The following PNOC variants were observed in gnomAD, a reference collection of about 807,000 sequenced individuals.
PNOC encodes nociceptin.
PNOC carries 10 observed loss-of-function variants against 15.6 expected under a neutral mutation model. The observed-to-expected ratio is 0.64, with a 90% CI of 0.40 to 1.09. The LOEUF is 1.09. PNOC is among the 50% of genes least tolerant of loss of function. The probability of loss-of-function intolerance (pLI) is 0.01; values close to 1 mark genes in which losing one functional copy is unlikely to be tolerated. For synonymous variants in PNOC, 98 were observed against 88.5 expected (o/e 1.11, Z -0.60); for missense variants, 220 against 223.9 (o/e 0.98, Z 0.11).
rs547116748 is a variant in PNOC, at chr8:28,319,625, C to T, written c.-24+2309C>T. 3.3e-5 allele frequency among the ~76,000 whole-genome samples: 5 copies of T among 152,324 alleles called. No homozygotes were observed. In the East Asian group the frequency reaches 9.6e-4, roughly 29 times the overall value. On this transcript the variant is annotated intron_variant, in intron 1 of 3. Coordinates refer to ENST00000301908, the MANE Select transcript of PNOC (RefSeq NM_006228.5). ...GCTAATACACACATGCACATATGCA[C>T]ACTGGTAGGAATGGGAAGTTTCAGG...
Position 28,339,465 on chromosome 8 carries a change from A to G in PNOC, c.*21A>G. 6 of 1,515,110 alleles carry G rather than the reference A, an allele frequency of 4.0e-6. No individual in the cohort carries two copies. The highest frequency in any genetic ancestry group is 5.3e-6 in the Non-Finnish European group (6 of 1,131,502). 93.9% of individuals were successfully genotyped at this position (1,515,110 alleles called of 1,614,324 possible). On this transcript the variant is annotated 3_prime_UTR_variant, in exon 3 of 4. Coordinates refer to ENST00000301908, the MANE Select transcript of PNOC (RefSeq NM_006228.5). ...TGTAGCCGGAAGGGGCGCTCCTCCC[A>G]GCTGTACCGGCCACTGCAACCCATG...
chr8:28,340,605 T>G (rs1168332719), intron 3 of PNOC, among the ~76,000 whole-genome samples: 1 of 152,266 alleles, frequency 6.6e-6, no homozygotes, highest in Non-Finnish European at 1.5e-5. Flanking sequence ...TCATCCATTT[T>G]GCATTGCTAC....
At chr8:28,320,686 T>G (rs549415793) in intron 1 of PNOC, among the ~76,000 whole-genome samples, 1 of 151,634 alleles carries the variant, frequency 6.6e-6, no homozygotes, top group Non-Finnish European at 1.5e-5. Flanking sequence ...CCGTCTCTAC[T>G]AAAAATACAA....
chr8:28,320,865 A>AAG (rs1163331343), intron 1 of PNOC, among the ~76,000 whole-genome samples: 1 of 152,000 alleles, frequency 6.6e-6, no homozygotes, highest in Non-Finnish European at 1.5e-5. Context: ...AAAAAAAAAA[A>AAG]AAAGAAGAAG....
chr8:28,329,281 G>C lies in PNOC; in HGVS notation c.124G>C (p.Glu42Gln), dbSNP rs557567617. 1 of 1,613,194 alleles carries C rather than the reference G, an allele frequency of 6.2e-7. No homozygotes were observed. The highest frequency in any genetic ancestry group is 1.1e-5 in the South Asian group (1 of 91,086). ...LHPALDSFDL[E>Q]VCILECEEKV... is the part of the protein sequence containing the mutation. Reference sequence around the variant, plus strand: ...CCCAGCCCTGGACAGCTTCGACCTGGAGGTAGGTCTCCAAGGCAAGGCAGA... The same window carrying C: ...CCCAGCCCTGGACAGCTTCGACCTGCAGGTAGGTCTCCAAGGCAAGGCAGA... Residue 42 changes from glutamate to glutamine, a missense_variant and splice_region_variant, in exon 2 of 4, where the codon GAG becomes CAG. By Grantham distance (29) the Glu-to-Gln change is conservative. Transcript: ENST00000301908.
chr8:28,323,795 G>A (rs1433128528), intron 1 of PNOC, among the ~76,000 whole-genome samples: 3 of 152,238 alleles, frequency 2.0e-5, no homozygotes, highest in African/African-American at 7.2e-5. Flanking sequence ...GAACACAGTT[G>A]TAGTAGGTGT....
chr8:28,325,680 A>G (rs1801214368), intron 1 of PNOC, among the ~76,000 whole-genome samples: 1 of 137,584 alleles, frequency 7.3e-6, no homozygotes, highest in African/African-American at 2.5e-5. Flanking sequence ...AAGAAAAAAA[A>G]AAAAAAGAAA....
chr8:28,338,970 TCTC>T lies in PNOC; in HGVS notation c.127-65_127-63del, dbSNP rs1459929688. The T allele has an allele frequency of 4.8e-5, 66 of 1,374,512 alleles. No individual in the cohort carries two copies. The Admixed American group carries it at 1.1e-3, about 22-fold the overall frequency. The allele number at this position is 1,374,512 out of a possible 1,614,324, so 85.1% of individuals were successfully genotyped here. A position where few individuals can be genotyped will look rare whatever the true frequency, so the allele number is the denominator to read the frequency against. On this transcript the variant is annotated intron_variant, in intron 2 of 3. Transcript: ENST00000301908. ...ACTTGCACTGGTGCAGTGGGCCAGA[TCTC>T]CTCCCTCGCCCTGGATTAACAGAGG...
At chr8:28,336,368 G>A (rs374505191) in intron 2 of PNOC, among the ~76,000 whole-genome samples, 1 of 152,238 alleles carries the variant, frequency 6.6e-6, no homozygotes, top group South Asian at 2.1e-4. Flanking sequence ...AGGCAGGAGA[G>A]AGTGATTCTT....
chr8:28,317,532 C>T (rs994861127), intron 1 of PNOC, among the ~76,000 whole-genome samples: 5 of 152,136 alleles, frequency 3.3e-5, no homozygotes, highest in African/African-American at 1.2e-4. Context: ...CTTTTTTAAC[C>T]TCAGACAGAC....
rs1801463589 is a variant in PNOC, at chr8:28,339,074, C to G, written c.161C>G (p.Pro54Arg). ...CTCGAGTGTGAAGAGAAGGTCTTCCCCAGCCCCCTCTGGACTCCATGCACC... is the reference window on the plus strand; with the variant it reads ...CTCGAGTGTGAAGAGAAGGTCTTCCGCAGCCCCCTCTGGACTCCATGCACC... Reference protein sequence around the residue: ...CILECEEKVFPSPLWTPCTKV... With the variant: ...CILECEEKVFRSPLWTPCTKV... The change falls in exon 3 of 4, where the codon CCC becomes CGC. Residue 54 changes from proline (P) to arginine (R), a missense_variant. Physicochemically the swap from Pro to Arg is moderately radical, Grantham distance 103 (BLOSUM62 -2). Transcript: ENST00000301908. 6.3e-7 allele frequency: 1 copy of G among 1,593,310 alleles called. No individual in the cohort carries two copies. The highest frequency in any genetic ancestry group is 8.6e-7 in the Non-Finnish European group (1 of 1,162,722).
chr8:28,338,764 A>G, intron 2 of PNOC: 8 of 1,161,934 alleles, frequency 6.9e-6, no homozygotes, highest in Non-Finnish European at 8.5e-6. Flanking sequence ...TTAACTTCCT[A>G]TGTTAACGTG....
intron 2 of PNOC, among the ~76,000 whole-genome samples, chr8:28,330,037 C>T (rs949670182): frequency 3.9e-5 from 6 of 152,090 alleles, no homozygotes; most frequent in Admixed American, 1.3e-4. Context: ...ACATCCACCT[C>T]GCAGGTTCAA....
intron 1 of PNOC, among the ~76,000 whole-genome samples, chr8:28,322,179 A>AG (rs1377715857): frequency 2.0e-5 from 3 of 152,142 alleles, no homozygotes; most frequent in Non-Finnish European, 4.4e-5. Context: ...ATTCGAGGTC[A>AG]GGAGTTTGAG....
intron 1 of PNOC, among the ~76,000 whole-genome samples, chr8:28,322,673 A>T (rs1278909824): frequency 1.3e-5 from 2 of 152,212 alleles, no homozygotes; most frequent in African/African-American, 4.8e-5. Context: ...TAGCAATATG[A>T]TTGCTATGAA....
intron 1 of PNOC, among the ~76,000 whole-genome samples, chr8:28,321,165 A>C (rs1801145849): frequency 6.6e-6 from 1 of 151,420 alleles, no homozygotes; most frequent in South Asian, 2.1e-4. Flanking sequence ...CAACCTTCTG[A>C]ATAGCTAAGA....
intron 2 of PNOC, 131 bp from the exon 3 acceptor site, chr8:28,338,909 C>T (rs1027288077): frequency 2.4e-5 from 25 of 1,061,964 alleles, no homozygotes; most frequent in Non-Finnish European, 3.2e-5. Flanking sequence ...TGTAAAACTG[C>T]TCCACGTTAC....
At chr8:28,322,994 G>A (rs1801173139) in intron 1 of PNOC, among the ~76,000 whole-genome samples, 1 of 152,210 alleles carries the variant, frequency 6.6e-6, no homozygotes, top group Non-Finnish European at 1.5e-5. Flanking sequence ...GAAAAGGATG[G>A]AGGTGTATCT....
rs34364812 is a variant in PNOC at position 28,330,560 on chromosome 8, C to CTTT, written c.126+1293_126+1295dup. On this transcript the variant is annotated intron_variant, in intron 2 of 3. Transcript: ENST00000301908. ...AGGTGCCCACCACCACACCCGGCTA[C>CTTT]TTTTTTTTTTTTTTTTTTGTATTTT... Among the ~76,000 whole-genome samples, 250 of 105,032 alleles carry CTTT rather than the reference C, an allele frequency of 2.4e-3. 6 individuals are homozygous for CTTT. The highest frequency in any genetic ancestry group is 5.5e-3 in the East Asian group (22 of 3,972). The allele number at this position is 105,032 out of a possible 152,430, so 68.9% of individuals were successfully genotyped here.
Sources: gnomAD v4.1 joint callset for allele counts (sites outside exome capture counted in the v4.1 genomes callset) on GRCh38, gnomAD v4.1.1 for gene constraint, MANE v1.5 for transcripts, NCBI Gene and HGNC (gene_info 2026-07-23, HGNC 2026-07-21) for gene names.